The following KCNK10 variants were observed in gnomAD, a reference collection of about 807,000 sequenced individuals.
KCNK10 encodes potassium channel subfamily K member 10.
Under a neutral mutation model 47.7 loss-of-function variants are expected in KCNK10, and 25 were observed. That is an observed-to-expected ratio of 0.52 (90% CI 0.38 to 0.73). The LOEUF is 0.73. Ranked by LOEUF, KCNK10 falls within the 30% of genes least tolerant of loss-of-function variation. KCNK10 has a pLI of 0.00. For synonymous variants in KCNK10, 303 were observed against 285.6 expected (o/e 1.06, Z -0.61); for missense variants, 563 against 714.5 (o/e 0.79, Z 2.42).
chr14:88,323,934 A>G (rs1427692341), upstream of KCNK10, among the ~76,000 whole-genome samples: 1 of 152,106 alleles, frequency 6.6e-6, no homozygotes, highest in East Asian at 1.9e-4. Flanking sequence ...CGTGCCAGCC[A>G]TGAGCCTTTT....
intron 4 of KCNK10, among the ~76,000 whole-genome samples, chr14:88,224,656 T>C (rs1008881696): frequency 2.0e-5 from 3 of 152,168 alleles, no homozygotes; most frequent in African/African-American, 7.2e-5. Flanking sequence ...GTCACCCAGG[T>C]TGGAGTGCAG....
intron 1 of KCNK10, among the ~76,000 whole-genome samples, chr14:88,305,230 ATGT>A (rs1399848295): frequency 6.6e-6 from 1 of 151,982 alleles, no homozygotes; most frequent in African/African-American, 2.4e-5. Flanking sequence ...GAAGAAGAAA[ATGT>A]TGTGACTAGA....
At chr14:88,235,175 G>A in intron 3 of KCNK10, 1 of 456,654 alleles carries the variant, frequency 2.2e-6, no homozygotes, top group Non-Finnish European at 4.4e-6. Context: ...AAGAGAGTTA[G>A]GATGTGCTGT....
chr14:88,233,242 C>G (rs1394334076), intron 3 of KCNK10, among the ~76,000 whole-genome samples: 2 of 152,154 alleles, frequency 1.3e-5, no homozygotes. Context: ...TAAACAAGAC[C>G]CCATTCACCA....
chr14:88,235,613 C>T (rs927491333), intron 3 of KCNK10, among the ~76,000 whole-genome samples: 1 of 152,040 alleles, frequency 6.6e-6, no homozygotes, highest in Admixed American at 6.6e-5. Flanking sequence ...GGAAGGAGCT[C>T]ATGGCAGCAC....
chr14:88,212,914 A>G (rs1885507685), intron 4 of KCNK10, among the ~76,000 whole-genome samples: 3 of 152,256 alleles, frequency 2.0e-5, no homozygotes, highest in Admixed American at 6.5e-5. Flanking sequence ...ATGCAAAGCC[A>G]TCAGAGCCTG....
Position 88,263,532 on chromosome 14 carries a change from T to C in KCNK10, c.72A>G (p.Ala24=), listed in dbSNP as rs760639961. 1 of 1,611,958 alleles carries C rather than the reference T, an allele frequency of 6.2e-7. No individual in the cohort carries two copies. The highest frequency in any genetic ancestry group is 1.3e-5 in the African/African-American group (1 of 75,054). Residue 24 remains alanine, a synonymous_variant, in exon 2 of 7, where the codon GCA becomes GCG. Coordinates refer to ENST00000319231, the MANE Select transcript of KCNK10 (RefSeq NM_138317.3). ...WDPKVAVPAA[A]PVCQPKSATN... is the part of the protein sequence containing the mutation. The stretch of plus-strand genomic sequence containing the variant: ...TGGCGCTCTTGGGCTGGCACACCGG[T>C]GCTGCTGCGGGAACGGCCACTGAGG...
chr14:88,320,972 T>C (rs2139808651), intron 1 of KCNK10, among the ~76,000 whole-genome samples: 1 of 152,296 alleles, frequency 6.6e-6, no homozygotes, highest in Non-Finnish European at 1.5e-5. Context: ...TGCTCTCTGC[T>C]AGGGATAAAT....
In KCNK10 at chr14:88,185,510, A is replaced by G. The variant is rs370028801; in HGVS notation, c.*25T>C. On this transcript the variant is annotated 3_prime_UTR_variant, in exon 7 of 7. Coordinates refer to ENST00000319231, the MANE Select transcript of KCNK10 (RefSeq NM_138317.3). This position sits in a 1 kb window ranked among gnomAD's most constrained non-coding sequence, Gnocchi z 4.3. The stretch of plus-strand genomic sequence containing the variant: ...ACACACACACACACACACAACGCTC[A>G]GTCCAAGACCAATGTCCTTCACATT... The G allele has an allele frequency of 5.6e-6, 9 of 1,596,244 alleles. No homozygotes were observed. Among genetic ancestry groups the G allele is most frequent in the African/African-American group, 2.7e-5 (2 of 74,356 alleles).
rs768368570 is a variant in KCNK10 at position 88,188,106 on chromosome 14, C to T, written c.872G>A (p.Gly291Glu). The part of the protein sequence containing the change: ...TVGFGDFVAG[G>E]NAGINYREWY... Reference sequence around the variant, plus strand: ...CTCCCGATAATTGATGCCAGCGTTTCCCCCTGAAAACAACCAAATGTTACT... The same window carrying T: ...CTCCCGATAATTGATGCCAGCGTTTTCCCCTGAAAACAACCAAATGTTACT... The change falls in exon 6 of 7, where the codon GGA becomes GAA. Residue 291 changes from glycine to glutamate, a missense_variant. Gly to Glu is a moderately conservative substitution (Grantham distance 98). Coordinates refer to ENST00000319231, the MANE Select transcript of KCNK10 (RefSeq NM_138317.3). 1.2e-6 allele frequency: 2 copies of T among 1,614,162 alleles called. No homozygotes were observed. Among genetic ancestry groups the T allele is most frequent in the South Asian group, 2.2e-5 (2 of 91,084 alleles).
chr14:88,188,307 C>T (rs1490015017), intron 5 of KCNK10, among the ~76,000 whole-genome samples, 198 bp from the exon 6 acceptor site: 4 of 151,466 alleles, frequency 2.6e-5, no homozygotes, highest in East Asian at 3.9e-4. Context: ...TAACTTAAGG[C>T]TTTACTTCCC....
chr14:88,310,894 C>T (rs553017390), intron 1 of KCNK10, among the ~76,000 whole-genome samples: 40 of 152,266 alleles, frequency 2.6e-4, no homozygotes, highest in Admixed American at 1.8e-3. Context: ...TGAAGTATAA[C>T]AGAATATGAG....
At chr14:88,304,150 C>CA (rs906273121) in intron 1 of KCNK10, among the ~76,000 whole-genome samples, 2 of 151,212 alleles carry the variant, frequency 1.3e-5, no homozygotes, top group African/African-American at 2.5e-5. Context: ...GCCGTCTCCA[C>CA]AAAAAAATAA....
At chr14:88,291,825 T>C (rs1203967219) in intron 1 of KCNK10, among the ~76,000 whole-genome samples, 1 of 152,162 alleles carries the variant, frequency 6.6e-6, no homozygotes, top group Non-Finnish European at 1.5e-5. Context: ...TCCCCATATA[T>C]GGCAGCACAA....
chr14:88,272,583 C>T (rs1230397400), intron 1 of KCNK10, among the ~76,000 whole-genome samples: 1 of 152,082 alleles, frequency 6.6e-6, no homozygotes. Context: ...GTGAAGATGG[C>T]TACACCAAAA....
At chr14:88,277,502 C>A (rs1035209962) in intron 1 of KCNK10, among the ~76,000 whole-genome samples, 14 of 152,116 alleles carry the variant, frequency 9.2e-5, no homozygotes, top group Non-Finnish European at 1.8e-4. Flanking sequence ...AAAAGGATAC[C>A]CACATTATTC....
intron 2 of KCNK10, among the ~76,000 whole-genome samples, chr14:88,256,888 G>A (rs1457488551): frequency 6.6e-6 from 1 of 152,036 alleles, no homozygotes; most frequent in Non-Finnish European, 1.5e-5. Flanking sequence ...TGTCTAACAG[G>A]TAGACACCGT....
intron 3 of KCNK10, chr14:88,235,383 G>C: frequency 8.2e-6 from 3 of 365,590 alleles, no homozygotes; most frequent in Non-Finnish European, 1.6e-5. Flanking sequence ...GATGGAAAGA[G>C]GCTCACCAGA....
intron 3 of KCNK10, among the ~76,000 whole-genome samples, chr14:88,231,933 CA>C (rs1350423811): frequency 1.3e-5 from 2 of 152,214 alleles, no homozygotes; most frequent in Non-Finnish European, 2.9e-5. Context: ...CTATTATTCA[CA>C]AAGTGTGTCT....
Sources: allele counts gnomAD v4.1 joint callset (sites outside exome capture counted in the v4.1 genomes callset), GRCh38; gene constraint gnomAD v4.1.1; non-coding constraint Gnocchi (gnomAD v3.1); transcripts MANE v1.5; gene names NCBI Gene and HGNC (gene_info 2026-07-23, HGNC 2026-07-21).